Variants in SDK1 observed in about 807,000 individuals in gnomAD.
SDK1 encodes sidekick cell adhesion molecule 1.
In SDK1, 157 loss-of-function variants were observed where a neutral mutation model predicts 245.5. The observed-to-expected ratio is 0.64, with a 90% CI of 0.56 to 0.73. The LOEUF (loss-of-function observed/expected upper bound fraction) is 0.73, where lower values mean the gene tolerates loss of function less well. Among genes scored for constraint, SDK1 ranks in the 30% least tolerant of loss-of-function variants. The pLI, the probability that SDK1 is intolerant of heterozygous loss-of-function variation, is 0.00. For synonymous variants in SDK1, 1,647 were observed against 1,278.5 expected, an observed-to-expected ratio of 1.29 and a Z score of -6.15; for missense variants, 3,583 against 3,002.3, an observed-to-expected ratio of 1.19 and a Z score of -4.52.
intron 17 of SDK1, among the ~76,000 whole-genome samples, chr7:4,029,785 A>G (rs1286983881): frequency 6.6e-6 from 1 of 152,160 alleles, no homozygotes; most frequent in Non-Finnish European, 1.5e-5. Flanking sequence ...CCTGTCAAAT[A>G]TGCAGGTGTC....
chr7:4,084,729 ATGT>A (rs140156974), intron 22 of SDK1, among the ~76,000 whole-genome samples: 8,728 of 100,516 alleles, frequency 0.087, 349 homozygotes, highest in African/African-American at 0.16. Flanking sequence ...ATGTTATGTT[ATGT>A]TGTTACTTAA....
intron 1 of SDK1, among the ~76,000 whole-genome samples, chr7:3,410,431 C>G (rs915639578): frequency 6.6e-6 from 1 of 152,048 alleles, no homozygotes; most frequent in Non-Finnish European, 1.5e-5. Flanking sequence ...CTGAAAATAT[C>G]AGAAATCAAT....
At chr7:3,847,856 A>T (rs184581252) in intron 5 of SDK1, among the ~76,000 whole-genome samples, 1 of 152,328 alleles carries the variant, frequency 6.6e-6, no homozygotes, top group Non-Finnish European at 1.5e-5. Flanking sequence ...TATGTGGAAA[A>T]CATTTTCTTT....
chr7:3,546,971 A>C (rs1244593584), intron 1 of SDK1, among the ~76,000 whole-genome samples: 1 of 152,194 alleles, frequency 6.6e-6, no homozygotes, highest in Non-Finnish European at 1.5e-5. Context: ...TTTTGATTTA[A>C]CTAATTGAGG....
chr7:3,457,027 C>A (rs1352372196), intron 1 of SDK1, among the ~76,000 whole-genome samples: 2 of 152,176 alleles, frequency 1.3e-5, no homozygotes, highest in African/African-American at 4.8e-5. Flanking sequence ...CTTCCGCAGT[C>A]CTGGCTGCCT....
rs544988205 is a variant in SDK1 at position 3,766,563 on chromosome 7, A to G, written c.714-54887A>G. ...TTTTGTAGTTATTAGAGGGAATAAT[A>G]TAACGTGAGATACTTAGAGCAGTAC... is the stretch of plus-strand genomic sequence containing the variant. On this transcript the variant is annotated intron_variant, in intron 4 of 44. Transcript: ENST00000404826. Among the ~76,000 whole-genome samples, 3 of 152,348 alleles carry G rather than the reference A, an allele frequency of 2.0e-5. No homozygotes were observed. In the East Asian group the frequency reaches 5.8e-4, roughly 29 times the overall value.
intron 25 of SDK1, among the ~76,000 whole-genome samples, chr7:4,118,771 C>G (rs1305287172): frequency 6.7e-6 from 1 of 149,030 alleles, no homozygotes; most frequent in African/African-American, 2.5e-5. Context: ...CTGATACATG[C>G]TACAGTGTGG....
At chr7:4,252,853 T>G (rs1329848915) in intron 44 of SDK1, among the ~76,000 whole-genome samples, 4 of 149,452 alleles carry the variant, frequency 2.7e-5, no homozygotes, top group Non-Finnish European at 4.4e-5. Flanking sequence ...TTTTGTTAAG[T>G]CAGTGTCACT....
At chr7:4,234,763 C>T (rs1035650168) in intron 41 of SDK1, among the ~76,000 whole-genome samples, 2 of 152,194 alleles carry the variant, frequency 1.3e-5, no homozygotes, top group Non-Finnish European at 1.5e-5. Context: ...ATGATTCTAT[C>T]GTGCAGACCG....
intron 1 of SDK1, among the ~76,000 whole-genome samples, chr7:3,557,308 A>G (rs993588839): frequency 3.9e-5 from 6 of 152,342 alleles, no homozygotes; most frequent in African/African-American, 1.4e-4. Context: ...AAAGGACAAG[A>G]TTACACTCAC....
chr7:3,609,363 G>T (rs1435783166), intron 1 of SDK1, among the ~76,000 whole-genome samples: 1 of 152,108 alleles, frequency 6.6e-6, no homozygotes, highest in African/African-American at 2.4e-5. Context: ...GATTGTCCAA[G>T]ATCACAGAGC....
chr7:3,989,413 A>G (rs1295485703), intron 14 of SDK1, among the ~76,000 whole-genome samples: 1 of 152,188 alleles, frequency 6.6e-6, no homozygotes, highest in African/African-American at 2.4e-5. Flanking sequence ...TGGGAGTTCA[A>G]GATGAGATTT....
intron 1 of SDK1, among the ~76,000 whole-genome samples, chr7:3,556,133 C>G (rs1779579857): frequency 6.6e-6 from 1 of 152,168 alleles, no homozygotes; most frequent in South Asian, 2.1e-4. Flanking sequence ...TTTTGCAGCA[C>G]TATTCACAAT....
intron 1 of SDK1, among the ~76,000 whole-genome samples, chr7:3,456,143 C>CT (rs1333085950): frequency 6.6e-6 from 1 of 152,126 alleles, no homozygotes; most frequent in Non-Finnish European, 1.5e-5. Context: ...GTTTTTCTCA[C>CT]TGATTTCAAG....
chr7:4,117,950 G>C (rs1392059128), intron 25 of SDK1, among the ~76,000 whole-genome samples: 1 of 152,140 alleles, frequency 6.6e-6, no homozygotes, highest in African/African-American at 2.4e-5. Context: ...AAGTCAGTCT[G>C]AGCCCTGTGC....
chr7:4,181,139 C>A (rs1475844808), intron 35 of SDK1, among the ~76,000 whole-genome samples: 1 of 152,248 alleles, frequency 6.6e-6, no homozygotes, highest in Non-Finnish European at 1.5e-5. Flanking sequence ...CTCTCACTTA[C>A]TCTCTGTCAC....
intron 4 of SDK1, among the ~76,000 whole-genome samples, chr7:3,806,721 G>C (rs1562457387): frequency 6.6e-6 from 1 of 152,210 alleles, no homozygotes; most frequent in East Asian, 1.9e-4. Flanking sequence ...GAGATGAATG[G>C]AGCAATTACG....
At chr7:3,364,975 T>C (rs1781050966) in intron 1 of SDK1, among the ~76,000 whole-genome samples, 1 of 152,246 alleles carries the variant, frequency 6.6e-6, no homozygotes, top group Admixed American at 6.5e-5. Context: ...ATGAGTCCTG[T>C]ACATGTTTCG....
chr7:3,894,819 C>A (rs1269107236), intron 5 of SDK1, among the ~76,000 whole-genome samples: 1 of 151,270 alleles, frequency 6.6e-6, no homozygotes. Context: ...ACTTCAGCCT[C>A]CCGAGTAGCT....
Sources: gnomAD v4.1 joint callset for allele counts (sites outside exome capture counted in the v4.1 genomes callset) on GRCh38, gnomAD v4.1.1 for gene constraint, MANE v1.5 for transcripts, NCBI Gene and HGNC (gene_info 2026-07-23, HGNC 2026-07-21) for gene names.